The following GRM8 variants were observed in gnomAD, a reference collection of about 807,000 sequenced individuals.
The protein encoded by GRM8 is metabotropic glutamate receptor 8.
Under a neutral mutation model 87.2 loss-of-function variants are expected in GRM8, and 47 were observed. The observed-to-expected ratio is 0.54, with a 90% CI of 0.43 to 0.69. The LOEUF is 0.69. GRM8 is among the 30% of genes least tolerant of loss of function. The probability of loss-of-function intolerance (pLI) is 0.00; values close to 1 mark genes in which losing one functional copy is unlikely to be tolerated. For missense variants in GRM8, 1,019 were observed against 1,139.2 expected (o/e 0.89, Z 1.52); for synonymous variants, 396 against 404.5 (o/e 0.98, Z 0.25).
chr7:126,456,704 A>G (rs910256762), intron 9 of GRM8, among the ~76,000 whole-genome samples: 44 of 151,526 alleles, frequency 2.9e-4, no homozygotes, highest in Admixed American at 6.6e-4. Context: ...TAAAAACCTG[A>G]AACTTATCCT....
chr7:127,015,070 A>G lies in GRM8; in HGVS notation c.727+91426T>C, dbSNP rs550314549. On this transcript the variant is annotated intron_variant, in intron 3 of 10. Coordinates refer to ENST00000339582, the MANE Select transcript of GRM8 (RefSeq NM_000845.3). ...AGAAGAAGAAGAAGAAGAAGAAGAA[A>G]GAAAGAAGGAGAAGAAGGAGAAGAA... 3.5e-3 allele frequency among the ~76,000 whole-genome samples: 331 copies of G among 93,372 alleles called. 4 individuals carry two copies. Among genetic ancestry groups the G allele is most frequent in the Middle Eastern group, 0.012 (2 of 164 alleles). The allele number at this position is 93,372 out of a possible 152,430, so 61.3% of individuals were successfully genotyped here.
chr7:126,889,105 A>G (rs1381410458), intron 6 of GRM8, among the ~76,000 whole-genome samples: 1 of 152,148 alleles, frequency 6.6e-6, no homozygotes, highest in Non-Finnish European at 1.5e-5. Flanking sequence ...CAAGTTTGAC[A>G]TTTAAGCTCA....
chr7:126,559,062 C>T (rs1235674704), intron 8 of GRM8, among the ~76,000 whole-genome samples: 2 of 151,190 alleles, frequency 1.3e-5, no homozygotes, highest in East Asian at 3.9e-4. Flanking sequence ...GAGTAATGTG[C>T]ATAGGGAAAT....
At chr7:127,004,799 A>G (rs1168209970) in intron 3 of GRM8, among the ~76,000 whole-genome samples, 2 of 151,688 alleles carry the variant, frequency 1.3e-5, no homozygotes, top group East Asian at 1.9e-4. Context: ...GTTTCTCTGG[A>G]CTTTCCTCTA....
chr7:126,616,925 A>C (rs560399908), intron 7 of GRM8, among the ~76,000 whole-genome samples: 7 of 152,374 alleles, frequency 4.6e-5, no homozygotes, highest in African/African-American at 1.7e-4. Flanking sequence ...AGACGGATTC[A>C]GAGCCAAATT....
At chr7:126,481,736 C>T (rs551584965) in intron 9 of GRM8, among the ~76,000 whole-genome samples, 8 of 152,024 alleles carry the variant, frequency 5.3e-5, no homozygotes, top group East Asian at 1.9e-4. Context: ...TTAGATCTTA[C>T]GACTCAAAGA....
intron 2 of GRM8, among the ~76,000 whole-genome samples, chr7:127,160,722 G>A (rs749672883): frequency 2.0e-5 from 3 of 152,246 alleles, no homozygotes; most frequent in Middle Eastern, 3.4e-3. Flanking sequence ...AAGCCTCTAG[G>A]CTACAGGATG....
At chr7:126,878,313 C>G (rs899875948) in intron 6 of GRM8, among the ~76,000 whole-genome samples, 8 of 152,136 alleles carry the variant, frequency 5.3e-5, no homozygotes, top group African/African-American at 1.9e-4. Context: ...GAAATGTTAT[C>G]TCCATTTCAC....
intron 8 of GRM8, among the ~76,000 whole-genome samples, chr7:126,561,341 C>T (rs898141859): frequency 2.6e-5 from 4 of 151,868 alleles, no homozygotes; most frequent in Non-Finnish European, 5.9e-5. Context: ...CGTGGTGGCT[C>T]GTGCCTGTGG....
At chr7:126,542,760 T>G (rs1816691276) in intron 8 of GRM8, among the ~76,000 whole-genome samples, 1 of 152,152 alleles carries the variant, frequency 6.6e-6, no homozygotes, top group African/African-American at 2.4e-5. Flanking sequence ...ATATATGACA[T>G]GATAGTATTA....
chr7:126,692,831 A>G (rs1404009965), intron 7 of GRM8, among the ~76,000 whole-genome samples: 1 of 152,234 alleles, frequency 6.6e-6, no homozygotes, highest in African/African-American at 2.4e-5. Flanking sequence ...TCAAAGGTCA[A>G]ATCCTGAAAG....
intron 7 of GRM8, among the ~76,000 whole-genome samples, chr7:126,751,689 T>C (rs967166181): frequency 1.3e-5 from 2 of 152,166 alleles, no homozygotes; most frequent in Non-Finnish European, 2.9e-5. Flanking sequence ...TGAAACTCCA[T>C]AGTGAAAATT....
chr7:126,928,570 G>A (rs1250570947), intron 3 of GRM8, among the ~76,000 whole-genome samples: 3 of 151,766 alleles, frequency 2.0e-5, no homozygotes, highest in Non-Finnish European at 4.4e-5. Flanking sequence ...CACTTGGGGG[G>A]CTGACGTGGG....
chr7:126,680,342 C>T (rs1281046658), intron 7 of GRM8, among the ~76,000 whole-genome samples: 2 of 152,206 alleles, frequency 1.3e-5, no homozygotes, highest in East Asian at 3.8e-4. Context: ...ATATAACCCA[C>T]ATTTCTTTGA....
chr7:127,223,657 A>G (rs1405336402), intron 2 of GRM8, among the ~76,000 whole-genome samples: 1 of 152,020 alleles, frequency 6.6e-6, no homozygotes, highest in Non-Finnish European at 1.5e-5. Context: ...AGGCTGGTGG[A>G]GAATCAGGTC....
intron 7 of GRM8, among the ~76,000 whole-genome samples, chr7:126,610,456 T>C (rs183091030): frequency 1.5e-3 from 228 of 152,298 alleles, no homozygotes; most frequent in Non-Finnish European, 2.5e-3. Flanking sequence ...TTTATCTGAC[T>C]CTCTTCTCAC....
intron 3 of GRM8, among the ~76,000 whole-genome samples, chr7:127,009,685 A>C (rs1233847565): frequency 6.6e-6 from 1 of 152,120 alleles, no homozygotes; most frequent in Non-Finnish European, 1.5e-5. Flanking sequence ...AAATGTCACA[A>C]ATTACTGCCC....
intron 3 of GRM8, among the ~76,000 whole-genome samples, chr7:126,950,613 C>A (rs1358223836): frequency 6.6e-6 from 1 of 152,026 alleles, no homozygotes; most frequent in African/African-American, 2.4e-5. Context: ...AAAATTAGTA[C>A]ATTTAAGAGC....
chr7:126,608,930 A>T (rs1013007242), intron 8 of GRM8, among the ~76,000 whole-genome samples: 1 of 151,542 alleles, frequency 6.6e-6, no homozygotes, highest in African/African-American at 2.4e-5. Flanking sequence ...CCCCTGGCTA[A>T]TTTTTTTTGT....
Sources: gnomAD v4.1 joint callset for allele counts (sites outside exome capture counted in the v4.1 genomes callset) on GRCh38, gnomAD v4.1.1 for gene constraint, MANE v1.5 for transcripts, NCBI Gene and HGNC (gene_info 2026-07-23, HGNC 2026-07-21) for gene names.